Variants in CABLES1 observed in about 807,000 individuals in gnomAD.
CABLES1 encodes the protein Cdk5 and Abl enzyme substrate 1.
A neutral mutation model predicts 57.8 loss-of-function variants in CABLES1; 36 were observed. That is an observed-to-expected ratio of 0.62 (90% confidence interval 0.48 to 0.82). The LOEUF is 0.82. CABLES1 is among the 40% of genes least tolerant of loss of function. The probability of loss-of-function intolerance (pLI) is 0.00; values close to 1 mark genes in which losing one functional copy is unlikely to be tolerated. For missense variants in CABLES1, 767 were observed against 836.6 expected, an observed-to-expected ratio of 0.92 and a Z score of 1.03; for synonymous variants, 374 against 363.0, an observed-to-expected ratio of 1.03 and a Z score of -0.35.
intron 1 of CABLES1, among the ~76,000 whole-genome samples, chr18:23,179,941 C>T (rs1012238725): frequency 2.0e-5 from 3 of 152,152 alleles, no homozygotes; most frequent in East Asian, 1.9e-4. Context: ...TTTTTTGAGA[C>T]GGAGTCTCGC....
chr18:23,153,656 C>T (rs894612187), intron 1 of CABLES1, among the ~76,000 whole-genome samples: 1 of 152,054 alleles, frequency 6.6e-6, no homozygotes, highest in Non-Finnish European at 1.5e-5. Flanking sequence ...ATCGCTTGAA[C>T]CCGGGAGGTG....
chr18:23,173,158 T>C (rs1036349378), intron 1 of CABLES1, among the ~76,000 whole-genome samples: 2 of 152,206 alleles, frequency 1.3e-5, no homozygotes, highest in Non-Finnish European at 2.9e-5. Context: ...CACGCGGCTC[T>C]GATGGGTGGC....
chr18:23,158,023 T>C (rs2046977002), intron 1 of CABLES1, among the ~76,000 whole-genome samples: 1 of 151,864 alleles, frequency 6.6e-6, no homozygotes, highest in South Asian at 2.1e-4. Flanking sequence ...GGCTTATGCC[T>C]GTAATCCCGG....
intron 7 of CABLES1, among the ~76,000 whole-genome samples, chr18:23,248,936 C>CT (rs2047971038): frequency 6.6e-6 from 1 of 152,244 alleles, no homozygotes; most frequent in Admixed American, 6.5e-5. Flanking sequence ...ACAAGCCACA[C>CT]TGTAGAACTG....
intron 1 of CABLES1, among the ~76,000 whole-genome samples, chr18:23,138,468 T>C (rs1399815442): frequency 6.6e-6 from 1 of 152,236 alleles, no homozygotes; most frequent in Non-Finnish European, 1.5e-5. Flanking sequence ...TAGGCTTTTA[T>C]AAAATTACAG....
At chr18:23,179,324 T>TA (rs772289624) in intron 1 of CABLES1, among the ~76,000 whole-genome samples, 13 of 152,124 alleles carry the variant, frequency 8.5e-5, no homozygotes, top group Non-Finnish European at 1.8e-4. Context: ...GTGTCTAATT[T>TA]AAAAAAATCT....
chr18:23,242,081 G>T (rs565590410), intron 7 of CABLES1, among the ~76,000 whole-genome samples: 1 of 152,230 alleles, frequency 6.6e-6, no homozygotes, highest in Admixed American at 6.5e-5. Flanking sequence ...TTCAAGAGCA[G>T]CCTGACCAAC....
At position 23,136,401 on chromosome 18, in the gene CABLES1, C is replaced by A. The variant is rs1169346146; in HGVS notation, c.639C>A (p.Ala213=). The stretch of plus-strand genomic sequence containing the variant: ...AGGAGGAGTTGGAGGAGGACGATGC[C>A]TTTATCAGCGTGCAGGTGCCGGCGG... ...AGQEELEEDD[A]FISVQVPAAA... The change falls in exon 1 of 10, where the codon GCC becomes GCA. Residue 213 remains alanine, a synonymous_variant. Coordinates refer to ENST00000256925, the MANE Select transcript of CABLES1 (RefSeq NM_001100619.3). 2.5e-6 allele frequency: 4 copies of A among 1,593,342 alleles called. No individual in the cohort carries two copies. The South Asian group carries it at 3.4e-5, about 14-fold the overall frequency.
chr18:23,240,670 G>T (rs1288220075), intron 7 of CABLES1, among the ~76,000 whole-genome samples: 1 of 152,196 alleles, frequency 6.6e-6, no homozygotes, highest in Non-Finnish European at 1.5e-5. Flanking sequence ...ACCTCCCTTA[G>T]TATTAGCTTC....
Position 23,191,598 on chromosome 18 carries a change from G to A in CABLES1, c.917+2689G>A, listed in dbSNP as rs150033897. On this transcript the variant is annotated intron_variant, in intron 2 of 9. Coordinates refer to ENST00000256925, the MANE Select transcript of CABLES1 (RefSeq NM_001100619.3). ...TTTAAGCTTAGCAGAAGAACAAATG[G>A]CTCCAAGGAATCTATTAAACCTTTT... Among the ~76,000 whole-genome samples, 1,281 of 152,216 alleles carry A rather than the reference G, an allele frequency of 8.4e-3. 10 individuals carry two copies. The highest frequency in any genetic ancestry group is 0.024 in the Middle Eastern group (7 of 294).
intron 1 of CABLES1, among the ~76,000 whole-genome samples, chr18:23,167,057 C>T (rs769750218): frequency 9.9e-5 from 15 of 152,130 alleles, no homozygotes; most frequent in African/African-American, 1.4e-4. Context: ...AAATAGCAAC[C>T]GGATCACTCA....
At chr18:23,167,975 T>C (rs1418000253) in intron 1 of CABLES1, among the ~76,000 whole-genome samples, 2 of 152,200 alleles carry the variant, frequency 1.3e-5, no homozygotes, top group Admixed American at 1.3e-4. Flanking sequence ...AGCTGACGGC[T>C]CTCAAGGTGA....
At chr18:23,238,450 C>T (rs1269058984) in intron 7 of CABLES1, among the ~76,000 whole-genome samples, 1 of 152,106 alleles carries the variant, frequency 6.6e-6, no homozygotes, top group Non-Finnish European at 1.5e-5. Flanking sequence ...TTTGAAATTG[C>T]CGCTTCTCCT....
chr18:23,180,375 A>G (rs557165161), intron 1 of CABLES1, among the ~76,000 whole-genome samples: 1 of 152,296 alleles, frequency 6.6e-6, no homozygotes, highest in Non-Finnish European at 1.5e-5. Flanking sequence ...GTGGCAGTCA[A>G]CAGCTTAAGA....
intron 9 of CABLES1, 180 bp from the exon 10 acceptor site, chr18:23,257,047 A>G (rs1216744435): frequency 3.1e-6 from 2 of 642,332 alleles, no homozygotes; most frequent in Non-Finnish European, 5.2e-6. Flanking sequence ...CAGCTCCTTC[A>G]CAACCAGGAC....
At chr18:23,137,889 A>T (rs1172326520) in intron 1 of CABLES1, among the ~76,000 whole-genome samples, 1 of 152,180 alleles carries the variant, frequency 6.6e-6, no homozygotes, top group East Asian at 1.9e-4. Flanking sequence ...AATTAGCGAC[A>T]CTGGGCACAG....
chr18:23,200,589 G>T (rs2047318568), intron 3 of CABLES1, among the ~76,000 whole-genome samples: 1 of 152,190 alleles, frequency 6.6e-6, no homozygotes, highest in Non-Finnish European at 1.5e-5. Context: ...AATAATCATA[G>T]ACTGGCAAGC....
intron 1 of CABLES1, among the ~76,000 whole-genome samples, chr18:23,150,805 G>A (rs886844344): frequency 6.6e-6 from 1 of 152,010 alleles, no homozygotes; most frequent in African/African-American, 2.4e-5. Flanking sequence ...GAGATGGGAC[G>A]CAGGTTTCAG....
chr18:23,252,968 G>A lies in CABLES1; in HGVS notation c.1455G>A (p.Val485=), dbSNP rs1372322610. Residue 485 remains valine, a synonymous_variant, in exon 8 of 10, where the codon GTG becomes GTA. Transcript: ENST00000256925. The stretch of plus-strand genomic sequence containing the variant: ...TCCCCTGTCTGTTACAGACAACAGT[G>A]ATTGACTACGTGAAGCCCTCGGATC... ...VLIFPSYMTT[V]IDYVKPSDLK... 5.0e-6 allele frequency: 8 copies of A among 1,608,530 alleles called. No homozygotes were observed. Among genetic ancestry groups the A allele is most frequent in the Non-Finnish European group, 6.8e-6 (8 of 1,175,012 alleles).
Sources: allele counts gnomAD v4.1 joint callset (sites outside exome capture counted in the v4.1 genomes callset), GRCh38; gene constraint gnomAD v4.1.1; transcripts MANE v1.5; gene names NCBI Gene and HGNC (gene_info 2026-07-23, HGNC 2026-07-21).